The following MYO9A variants were observed in gnomAD, a reference collection of about 807,000 sequenced individuals.
MYO9A encodes the protein unconventional myosin-IXa.
MYO9A carries 103 observed loss-of-function variants against 293.3 expected under a neutral mutation model. That is an observed-to-expected ratio of 0.35 (90% CI 0.30 to 0.41). The LOEUF (loss-of-function observed/expected upper bound fraction) is 0.41. MYO9A is among the 10% of genes least tolerant of loss of function. The pLI, the probability that MYO9A is intolerant of heterozygous loss-of-function variation, is 1.00. For synonymous variants in MYO9A, 1,001 were observed against 1,035.7 expected, an observed-to-expected ratio of 0.97 and a Z score of 0.64; for missense variants, 2,685 against 3,033.0, an observed-to-expected ratio of 0.89 and a Z score of 2.69.
intron 17 of MYO9A, among the ~76,000 whole-genome samples, chr15:71,934,896 T>C (rs2058592835): frequency 7.0e-6 from 1 of 142,920 alleles, no homozygotes. Flanking sequence ...TAATGAGAAA[T>C]GGAAAGCTTG....
intron 5 of MYO9A, among the ~76,000 whole-genome samples, chr15:72,019,509 G>C (rs1184949606): frequency 6.6e-6 from 1 of 152,112 alleles, no homozygotes; most frequent in East Asian, 1.9e-4. Context: ...AATGCAAATA[G>C]TTTAAACTGG....
intron 15 of MYO9A, among the ~76,000 whole-genome samples, chr15:71,942,218 T>C (rs566414529): frequency 6.6e-6 from 1 of 152,082 alleles, no homozygotes; most frequent in Non-Finnish European, 1.5e-5. Flanking sequence ...ATACATACTA[T>C]GTAATCCCAC....
At chr15:72,110,768 A>ATTTTC (rs2080752488) in intron 1 of MYO9A, among the ~76,000 whole-genome samples, 4 of 152,356 alleles carry the variant, frequency 2.6e-5, no homozygotes, top group African/African-American at 9.6e-5. Flanking sequence ...TCACACTTGA[A>ATTTTC]AGACAACTAG....
At chr15:72,023,197 A>C (rs2077556122) in intron 4 of MYO9A, among the ~76,000 whole-genome samples, 1 of 152,218 alleles carries the variant, frequency 6.6e-6, no homozygotes, top group Admixed American at 6.5e-5. Flanking sequence ...GAGTAGGCAG[A>C]AGAAAGAACC....
intron 22 of MYO9A, 58 bp downstream of exon 22, chr15:71,902,883 T>C: frequency 7.6e-7 from 1 of 1,324,142 alleles, no homozygotes; most frequent in Non-Finnish European, 1.0e-6. Flanking sequence ...AGGCAAAAAT[T>C]ATTATTTTTT....
At chr15:72,096,410 G>C (rs1031512717) in intron 1 of MYO9A, among the ~76,000 whole-genome samples, 1 of 152,136 alleles carries the variant, frequency 6.6e-6, no homozygotes, top group African/African-American at 2.4e-5. Context: ...AAGCCTGAAT[G>C]ACAACACATC....
intron 11 of MYO9A, among the ~76,000 whole-genome samples, chr15:71,983,470 CTTT>C (rs1170508506): frequency 3.4e-4 from 25 of 72,902 alleles, no homozygotes; most frequent in Non-Finnish European, 5.9e-4. Context: ...TTTTTTATTT[CTTT>C]TTTTTTTTTT....
chr15:71,843,595 C>A (rs2055260284), intron 39 of MYO9A, among the ~76,000 whole-genome samples: 1 of 152,100 alleles, frequency 6.6e-6, no homozygotes, highest in Non-Finnish European at 1.5e-5. Context: ...CTCAAGCGAT[C>A]CTCCCACCTC....
rs1011912174 is a variant in MYO9A at position 72,118,089 on chromosome 15, A to C, written c.-481T>G. 5.1e-6 allele frequency: 2 copies of C among 391,628 alleles called. No individual in the cohort carries two copies. Among genetic ancestry groups the C allele is most frequent in the East Asian group, 3.6e-5 (1 of 27,642 alleles). The allele number at this position is 391,628 out of a possible 1,614,324, so 24.3% of individuals were successfully genotyped here. On this transcript the variant is annotated 5_prime_UTR_variant, in exon 1 of 42. Transcript: ENST00000356056. Reference sequence around the variant, plus strand: ...TATCCGCTTCGGTCGCGCGCCCCCGACCCCGCGCACGCGGCCCCGCCCCGC... The same window carrying C: ...TATCCGCTTCGGTCGCGCGCCCCCGCCCCCGCGCACGCGGCCCCGCCCCGC...
At position 71,826,748 on chromosome 15, in the gene MYO9A, G is replaced by GA. The variant is rs750517897; in HGVS notation, c.7478dup (p.Asn2494GlnfsTer51). The stretch of plus-strand genomic sequence containing the variant: ...ATTTTTGTTTGCCCTTTTCCGGGTT[G>GA]AAGGTTCCTCTGCTGATGAACTGAG... On this transcript the variant is annotated frameshift_variant, in exon 42 of 42. Coordinates refer to ENST00000356056, the MANE Select transcript of MYO9A (RefSeq NM_006901.4). LOFTEE classifies it high-confidence loss of function. 1.1e-5 allele frequency: 17 copies of GA among 1,614,134 alleles called. No individual in the cohort carries two copies. The highest frequency in any genetic ancestry group is 1.3e-5 in the Non-Finnish European group (15 of 1,179,996).
intron 7 of MYO9A, among the ~76,000 whole-genome samples, chr15:72,008,824 T>A (rs1272180134): frequency 6.6e-6 from 1 of 152,156 alleles, no homozygotes; most frequent in Admixed American, 6.6e-5. Context: ...TACAGCTTTG[T>A]GTCACATGCA....
chr15:72,095,344 C>T (rs1203024816), intron 1 of MYO9A, among the ~76,000 whole-genome samples: 2 of 92,868 alleles, frequency 2.2e-5, no homozygotes, highest in African/African-American at 5.1e-5. Flanking sequence ...ACAACATTCC[C>T]TTATGCCAAA....
At chr15:71,925,232 CACAT>C (rs1254089089) in intron 18 of MYO9A, among the ~76,000 whole-genome samples, 889 of 65,694 alleles carry the variant, frequency 0.014, 20 homozygotes, top group African/African-American at 0.041. Flanking sequence ...CACATATATA[CACAT>C]ATATATACAT....
At chr15:71,869,350 A>G (rs2056436137) in intron 32 of MYO9A, among the ~76,000 whole-genome samples, 1 of 152,138 alleles carries the variant, frequency 6.6e-6, no homozygotes. Flanking sequence ...GTTTCATGCC[A>G]AAAATGTGTA....
chr15:72,077,863 G>A (rs1388210271), intron 1 of MYO9A, among the ~76,000 whole-genome samples: 1 of 150,614 alleles, frequency 6.6e-6, no homozygotes, highest in Non-Finnish European at 1.5e-5. Flanking sequence ...TGGGCCAAGT[G>A]GGAAATCTAA....
At chr15:71,973,221 G>A (rs143613336) in intron 12 of MYO9A, among the ~76,000 whole-genome samples, 1,796 of 152,128 alleles carry the variant, frequency 0.012, 56 homozygotes, top group Admixed American at 0.058. Context: ...AGGGCAAAAC[G>A]AAGTAACTGC....
At chr15:71,929,205 C>T (rs1397960042) in intron 18 of MYO9A, among the ~76,000 whole-genome samples, 3 of 152,036 alleles carry the variant, frequency 2.0e-5, no homozygotes, top group Non-Finnish European at 2.9e-5. Context: ...TGAGGATTTT[C>T]TATATAACAT....
At chr15:72,074,464 G>T (rs969910402) in intron 1 of MYO9A, among the ~76,000 whole-genome samples, 6 of 152,092 alleles carry the variant, frequency 3.9e-5, no homozygotes, top group Non-Finnish European at 8.8e-5. Context: ...AAAGGAAAAA[G>T]CCCTTTCTAG....
chr15:72,043,143 G>A (rs532266582), intron 2 of MYO9A, among the ~76,000 whole-genome samples: 4 of 151,940 alleles, frequency 2.6e-5, no homozygotes, highest in African/African-American at 9.6e-5. Flanking sequence ...TAAGGTCAAC[G>A]TGTAACTATC....
Sources: allele counts gnomAD v4.1 joint callset (sites outside exome capture counted in the v4.1 genomes callset), GRCh38; gene constraint gnomAD v4.1.1; transcripts MANE v1.5; gene names NCBI Gene and HGNC (gene_info 2026-07-23, HGNC 2026-07-21).